Variants in ZNF583 observed in about 807,000 individuals in gnomAD.
The protein encoded by ZNF583 is zinc finger protein L3-5.
ZNF583 carries 30 observed loss-of-function variants against 55.3 expected under a neutral mutation model. That is an observed-to-expected ratio of 0.54 (90% confidence interval 0.41 to 0.74). The LOEUF (loss-of-function observed/expected upper bound fraction) is 0.74. ZNF583 is among the 30% of genes least tolerant of loss of function. The pLI is 0.00. For synonymous variants in ZNF583, 208 were observed against 220.0 expected (o/e 0.95, Z 0.48); for missense variants, 504 against 664.7 (o/e 0.76, Z 2.66).
chr19:56,408,024 C>T (rs191703677), intron 2 of ZNF583, among the ~76,000 whole-genome samples: 2 of 152,050 alleles, frequency 1.3e-5, no homozygotes, highest in Non-Finnish European at 2.9e-5. Flanking sequence ...AAATAAACAC[C>T]TTGTGCCAAG....
chr19:56,406,618 C>T (rs768860329), intron 1 of ZNF583, among the ~76,000 whole-genome samples: 1 of 150,002 alleles, frequency 6.7e-6, no homozygotes. Flanking sequence ...CTGCAAGCTC[C>T]GCCTCCTGGG....
In ZNF583 at chr19:56,423,405, C is replaced by T. The variant is rs2042450623; in HGVS notation, c.747C>T (p.Phe249=). Residue 249 remains phenylalanine (F), a synonymous_variant, in exon 5 of 5, where the codon TTC becomes TTT. Coordinates refer to ENST00000333201, the MANE Select transcript of ZNF583 (RefSeq NM_152478.3). The part of the protein sequence containing the change: ...PYACVECGKT[F]SQSANLAQHK... Reference sequence around the variant, plus strand: ...CATGTGTTGAATGTGGGAAAACGTTCAGCCAGAGTGCAAACTTGGCGCAAC... The same window carrying T: ...CATGTGTTGAATGTGGGAAAACGTTTAGCCAGAGTGCAAACTTGGCGCAAC... 2 of 1,613,730 alleles carry T rather than the reference C, an allele frequency of 1.2e-6. No individual in the cohort carries two copies. The highest frequency in any genetic ancestry group is 2.7e-5 in the African/African-American group (2 of 74,936).
In ZNF583 at chr19:56,423,272, T is replaced by C. The variant is rs374933168; in HGVS notation, c.614T>C (p.Val205Ala). ...TCTGTTGAAATGAAACATAGGAAAG[T>C]CTATGTAGAAAAGAAACTTTTGAAA... is the stretch of plus-strand genomic sequence containing the variant. ...KKSVEMKHRK[V>A]YVEKKLLKCN... Residue 205 changes from valine to alanine, a missense_variant, in exon 5 of 5, where the codon GTC becomes GCC. Physicochemically the swap from Val to Ala is moderately conservative, Grantham distance 64. Transcript: ENST00000333201. 4 of 1,609,530 alleles carry C rather than the reference T, an allele frequency of 2.5e-6. No individual in the cohort carries two copies. The African/African-American group carries it at 5.4e-5, about 22-fold the overall frequency.
At chr19:56,413,400 T>G (rs1004845913) in intron 2 of ZNF583, among the ~76,000 whole-genome samples, 1 of 152,232 alleles carries the variant, frequency 6.6e-6, no homozygotes, top group African/African-American at 2.4e-5. Flanking sequence ...GTATATAACT[T>G]TGTTTACTGT....
rs879431268 is a variant in ZNF583 at position 56,424,676 on chromosome 19, T to C, written c.*308T>C. 2.4e-5 allele frequency: 6 copies of C among 246,782 alleles called. No individual in the cohort carries two copies. The highest frequency in any genetic ancestry group is 4.9e-5 in the Admixed American group (1 of 20,526). The allele number at this position is 246,782 out of a possible 1,614,324, so 15.3% of individuals were successfully genotyped here. On this transcript the variant is annotated 3_prime_UTR_variant, in exon 5 of 5. Transcript: ENST00000333201. The stretch of plus-strand genomic sequence containing the variant: ...TCCAGGTTACCTTCCAAAGTTTCTA[T>C]CTTGTGTCACTATCCATCTCATTCT...
chr19:56,423,023 G>A lies in ZNF583; in HGVS notation c.365G>A (p.Cys122Tyr), dbSNP rs937594475. ...SLDYPSLREDCQSEDWYKNQL... is the reference protein window; with the variant it reads ...SLDYPSLREDYQSEDWYKNQL... ...GACTATCCCAGTTTGAGAGAAGACTGTCAAAGTGAGGACTGGTATAAGAAC... is the reference window on the plus strand; with the variant it reads ...GACTATCCCAGTTTGAGAGAAGACTATCAAAGTGAGGACTGGTATAAGAAC... The change falls in exon 5 of 5, where the codon TGT (cysteine) becomes TAT (tyrosine). Residue 122 changes from cysteine (C) to tyrosine (Y), a missense_variant. Physicochemically the swap from Cys to Tyr is radical, Grantham distance 194. This residue lies in a region of ZNF583 where 204 missense variants were observed against 235.2 expected (regional missense o/e 0.87). Coordinates refer to ENST00000333201, the MANE Select transcript of ZNF583 (RefSeq NM_152478.3). 1 of 1,613,888 alleles carries A rather than the reference G, an allele frequency of 6.2e-7. No individual in the cohort carries two copies. Among genetic ancestry groups the A allele is most frequent in the Admixed American group, 1.7e-5 (1 of 59,984 alleles).
rs2042490587 is a variant in ZNF583, at chr19:56,426,090, C to T, written c.*1722C>T. Reference sequence around the variant, plus strand: ...TTCACTATCATACTGATGTCAGTAGCCCATGAATTAATTTACAGATTCTAC... The same window carrying T: ...TTCACTATCATACTGATGTCAGTAGTCCATGAATTAATTTACAGATTCTAC... On this transcript the variant is annotated 3_prime_UTR_variant, in exon 5 of 5. Coordinates refer to ENST00000333201, the MANE Select transcript of ZNF583 (RefSeq NM_152478.3). 1 of 152,054 alleles carries T rather than the reference C, an allele frequency of 6.6e-6. No individual in the cohort carries two copies. Among genetic ancestry groups the T allele is most frequent in the African/African-American group, 2.4e-5 (1 of 41,386 alleles). 9.4% of individuals were successfully genotyped at this position (152,054 alleles called of 1,614,324 possible).
rs912511319 is a variant in ZNF583, at chr19:56,422,811, T to C, written c.233-80T>C. The C allele has an allele frequency of 8.6e-5, 86 of 1,001,376 alleles. 1 individual carries two copies. The South Asian group carries it at 1.5e-3, about 18-fold the overall frequency. 62.0% of individuals were successfully genotyped at this position (1,001,376 alleles called of 1,614,324 possible). A position where few individuals can be genotyped will look rare whatever the true frequency, so the allele number is the denominator to read the frequency against. On this transcript the variant is annotated intron_variant, in intron 4 of 4. Transcript: ENST00000333201. The stretch of plus-strand genomic sequence containing the variant: ...CTTTTAAATCCTTTAACTTGTGATG[T>C]ATTTTATTCACGTTTTTGTTTTAGA...
At chr19:56,413,850 G>T (rs530948044) in intron 2 of ZNF583, 109 bp from the exon 3 acceptor site, 1 of 1,481,358 alleles carries the variant, frequency 6.8e-7, no homozygotes, top group Non-Finnish European at 9.2e-7. Flanking sequence ...AGAAAGTTTT[G>T]CTATGTGCAA....
intron 1 of ZNF583, among the ~76,000 whole-genome samples, chr19:56,406,409 A>G (rs905826424): frequency 6.6e-6 from 1 of 152,228 alleles, no homozygotes; most frequent in African/African-American, 2.4e-5. Context: ...ACTCCGATGA[A>G]GAGCCTTCAT....
At chr19:56,414,293 C>T (rs1327479118) in intron 3 of ZNF583, 52 bp from the exon 4 acceptor site, 8 of 1,591,956 alleles carry the variant, frequency 5.0e-6, no homozygotes, top group African/African-American at 1.3e-5. Context: ...GATGCAGAAA[C>T]TTGATCTTAT....
At chr19:56,412,813 C>T (rs2042258593) in intron 2 of ZNF583, among the ~76,000 whole-genome samples, 1 of 152,176 alleles carries the variant, frequency 6.6e-6, no homozygotes. Context: ...TGTAATATCA[C>T]TCTTCTTCTT....
rs185089421 is a variant in ZNF583, at chr19:56,419,497, G to A, written c.233-3394G>A. Among the ~76,000 whole-genome samples the A allele has an allele frequency of 4.0e-4, 61 of 152,174 alleles. No homozygotes were observed. The East Asian group carries it at 4.0e-3, about 10-fold the overall frequency. ...GCGTGAGCCACCACGCCCAGCCTGC[G>A]GGTTTACTTTCTTATAATTTTTTTA... is the stretch of plus-strand genomic sequence containing the variant. On this transcript the variant is annotated intron_variant, in intron 4 of 4. Coordinates refer to ENST00000333201, the MANE Select transcript of ZNF583 (RefSeq NM_152478.3).
chr19:56,418,449 AT>A (rs2042362654), intron 4 of ZNF583, among the ~76,000 whole-genome samples: 1 of 152,104 alleles, frequency 6.6e-6, no homozygotes, highest in Non-Finnish European at 1.5e-5. Context: ...TCTTAAGAAT[AT>A]TTTGCAGTAT....
intron 4 of ZNF583, among the ~76,000 whole-genome samples, chr19:56,416,759 A>G (rs2042331553): frequency 6.6e-6 from 1 of 151,842 alleles, no homozygotes; most frequent in African/African-American, 2.4e-5. Flanking sequence ...AGTGTGAAGG[A>G]ATTATTTACA....
intron 4 of ZNF583, among the ~76,000 whole-genome samples, chr19:56,415,676 G>C (rs1357547763): frequency 6.6e-6 from 1 of 152,148 alleles, no homozygotes; most frequent in African/African-American, 2.4e-5. Flanking sequence ...CAATTCTCCT[G>C]CCTCAGCCAC....
At chr19:56,408,092 TTA>T (rs2042181658) in intron 2 of ZNF583, among the ~76,000 whole-genome samples, 1 of 152,198 alleles carries the variant, frequency 6.6e-6, no homozygotes, top group South Asian at 2.1e-4. Flanking sequence ...TACTAGTTTA[TTA>T]TATGATGTAC....
At position 56,424,271 on chromosome 19, in the gene ZNF583, A is replaced by T. The variant is rs2042469279; in HGVS notation, c.1613A>T (p.His538Leu). ...AGGCAGCGTGCACATCTTGCTCATC[A>T]TGAGAGAATTCATACTATGGAGTCA... Reference protein sequence around the residue: ...SFRQRAHLAHHERIHTMESFL... With the variant: ...SFRQRAHLAHLERIHTMESFL... Residue 538 changes from histidine (H) to leucine (L), a missense_variant, in exon 5 of 5, where the codon CAT becomes CTT. His to Leu is a moderately conservative substitution (Grantham distance 99). Around this residue, in one of 3 missense-constraint regions of ZNF583, gnomAD observed 63 missense variants for 56.5 expected, o/e 1.11. Coordinates refer to ENST00000333201, the MANE Select transcript of ZNF583 (RefSeq NM_152478.3). 6.2e-7 allele frequency: 1 copy of T among 1,614,018 alleles called. No individual in the cohort carries two copies. The highest frequency in any genetic ancestry group is 1.7e-5 in the Admixed American group (1 of 60,008).
chr19:56,417,149 T>C (rs895090246), intron 4 of ZNF583, among the ~76,000 whole-genome samples: 2 of 152,238 alleles, frequency 1.3e-5, no homozygotes, highest in Non-Finnish European at 2.9e-5. Flanking sequence ...AAAGTTGCTA[T>C]GCAGCTGTCA....
Sources: gnomAD v4.1 joint callset for allele counts (sites outside exome capture counted in the v4.1 genomes callset) on GRCh38, gnomAD v4.1.1 for gene constraint, gnomAD v4.1.1 regional missense constraint, MANE v1.5 for transcripts, NCBI Gene and HGNC (gene_info 2026-07-23, HGNC 2026-07-21) for gene names.